CARMIL1: variants seen among roughly 807,000 people sequenced by gnomAD.
CARMIL1 encodes F-actin-uncapping protein LRRC16A.
Under a neutral mutation model 177.1 loss-of-function variants are expected in CARMIL1, and 90 were observed. That is an observed-to-expected ratio of 0.51 (90% CI 0.43 to 0.61). CARMIL1 has a LOEUF of 0.61. Ranked by LOEUF, CARMIL1 falls within the 20% of genes least tolerant of loss-of-function variation. The pLI, the probability that CARMIL1 is intolerant of heterozygous loss-of-function variation, is 0.00. For synonymous variants in CARMIL1, 577 were observed against 606.2 expected (o/e 0.95, Z 0.71); for missense variants, 1,380 against 1,667.0 (o/e 0.83, Z 3.00).
chr6:25,546,687 A>C (rs1373238220), intron 26 of CARMIL1, among the ~76,000 whole-genome samples: 1 of 150,800 alleles, frequency 6.6e-6, no homozygotes, highest in Non-Finnish European at 1.5e-5. Flanking sequence ...AAAAAAAAAA[A>C]AAAATTGTGT....
At chr6:25,372,196 A>C (rs1310540176) in intron 2 of CARMIL1, among the ~76,000 whole-genome samples, 1 of 152,040 alleles carries the variant, frequency 6.6e-6, no homozygotes, top group Non-Finnish European at 1.5e-5. Context: ...TGATGCCTTC[A>C]TGTTTGTTCT....
At chr6:25,383,325 A>G (rs1791786481) in intron 2 of CARMIL1, among the ~76,000 whole-genome samples, 1 of 152,222 alleles carries the variant, frequency 6.6e-6, no homozygotes. Context: ...GAATGGTGCC[A>G]TTCTAAAGTT....
intron 2 of CARMIL1, among the ~76,000 whole-genome samples, chr6:25,323,091 G>A (rs919584490): frequency 1.3e-5 from 2 of 152,092 alleles, no homozygotes; most frequent in African/African-American, 2.4e-5. Context: ...GATTCATTTG[G>A]AAGGTTTCTC....
intron 9 of CARMIL1, among the ~76,000 whole-genome samples, chr6:25,468,412 T>C (rs937372718): frequency 6.6e-6 from 1 of 152,246 alleles, no homozygotes; most frequent in Non-Finnish European, 1.5e-5. Context: ...AAAGTTCCAT[T>C]TTTTAAAAAT....
intron 16 of CARMIL1, among the ~76,000 whole-genome samples, chr6:25,497,868 A>G (rs2151014076): frequency 6.6e-6 from 1 of 152,262 alleles, no homozygotes; most frequent in Admixed American, 6.5e-5. Flanking sequence ...CAAGACAGAG[A>G]ATATGACCGC....
At chr6:25,296,706 C>A (rs1404455572) in intron 2 of CARMIL1, among the ~76,000 whole-genome samples, 1 of 152,138 alleles carries the variant, frequency 6.6e-6, no homozygotes, top group African/African-American at 2.4e-5. Flanking sequence ...TATCAGTGGT[C>A]ATTTCTTGGT....
chr6:25,319,855 C>T (rs934718364), intron 2 of CARMIL1, among the ~76,000 whole-genome samples: 4 of 151,258 alleles, frequency 2.6e-5, no homozygotes, highest in African/African-American at 9.7e-5. Flanking sequence ...TGAACCTCCA[C>T]CTCCGGGGTT....
Position 25,448,346 on chromosome 6 carries a change from CCTTT to C in CARMIL1, c.372-1547_372-1544del, listed in dbSNP as rs540951756. Among the ~76,000 whole-genome samples the C allele has an allele frequency of 4.3e-4, 66 of 152,206 alleles. 2 individuals are homozygous for C. The East Asian group carries it at 8.9e-3, about 20-fold the overall frequency. On this transcript the variant is annotated intron_variant, in intron 5 of 36. Transcript: ENST00000329474. Reference sequence around the variant, plus strand: ...TTGCTCCCCAGATTCTTCTGTTACTCCTTTCTTTATCACACATCATTTGCCAACT... The same window carrying C: ...TTGCTCCCCAGATTCTTCTGTTACTCCTTTATCACACATCATTTGCCAACT...
chr6:25,491,882 C>T (rs1353512148), intron 14 of CARMIL1, 66 bp from the exon 15 acceptor site: 1 of 1,542,998 alleles, frequency 6.5e-7, no homozygotes, highest in African/African-American at 1.4e-5. Context: ...TGTAGGGGAC[C>T]TCTAATAAAA....
At chr6:25,582,079 A>T (rs1486631766) in intron 31 of CARMIL1, among the ~76,000 whole-genome samples, 1 of 152,058 alleles carries the variant, frequency 6.6e-6, no homozygotes, top group Non-Finnish European at 1.5e-5. Flanking sequence ...TCCTGTGCCA[A>T]TTGTCTCTAC....
intron 2 of CARMIL1, among the ~76,000 whole-genome samples, chr6:25,374,205 A>G (rs899390733): frequency 6.6e-6 from 1 of 152,234 alleles, no homozygotes; most frequent in Non-Finnish European, 1.5e-5. Flanking sequence ...CTCTTGCTGT[A>G]TCCCAGAGGT....
At chr6:25,438,156 T>C (rs1459067310) in intron 5 of CARMIL1, among the ~76,000 whole-genome samples, 1 of 152,250 alleles carries the variant, frequency 6.6e-6, no homozygotes, top group African/African-American at 2.4e-5. Flanking sequence ...AACTCAGGTA[T>C]CTTCTCATCT....
chr6:25,523,246 T>A (rs1806749644), intron 23 of CARMIL1, among the ~76,000 whole-genome samples: 1 of 152,236 alleles, frequency 6.6e-6, no homozygotes, highest in African/African-American at 2.4e-5. Flanking sequence ...CTTCAATAAG[T>A]TACTCAATTT....
intron 2 of CARMIL1, among the ~76,000 whole-genome samples, chr6:25,347,968 A>G (rs1194922993): frequency 1.3e-5 from 2 of 152,204 alleles, no homozygotes; most frequent in Non-Finnish European, 2.9e-5. Context: ...AGTGTACAGT[A>G]AGTCCTCACT....
intron 27 of CARMIL1, 135 bp downstream of exon 27, chr6:25,551,220 TAAATATA>T (rs1810072701): frequency 1.5e-6 from 1 of 649,676 alleles, no homozygotes. Flanking sequence ...AAACTGTATA[TAAATATA>T]ACTGTGCATA....
chr6:25,348,195 C>T (rs1267847315), intron 2 of CARMIL1, among the ~76,000 whole-genome samples: 20 of 151,950 alleles, frequency 1.3e-4, no homozygotes, highest in Admixed American at 1.2e-3. Context: ...TGCAATGGTG[C>T]GATCTTGGCC....
At chr6:25,610,757 T>C (rs2080535699) in intron 36 of CARMIL1, among the ~76,000 whole-genome samples, 1 of 152,208 alleles carries the variant, frequency 6.6e-6, no homozygotes, top group African/African-American at 2.4e-5. Context: ...AGCAAGCTAA[T>C]CCTGTGACGA....
Position 25,520,508 on chromosome 6 carries a change from G to T in CARMIL1, c.1968+171G>T, listed in dbSNP as rs72839062. ...CACAACTGGGGTAATGCATGACTGG[G>T]GGAGGAGTAAACTAAGGAACACTAA... On this transcript the variant is annotated intron_variant, in intron 23 of 36. Coordinates refer to ENST00000329474, the MANE Select transcript of CARMIL1 (RefSeq NM_017640.6). Among the ~76,000 whole-genome samples, 5,828 of 152,110 alleles carry T rather than the reference G, an allele frequency of 0.038. 164 individuals are homozygous for T. Among genetic ancestry groups the T allele is most frequent in the African/African-American group, 0.071 (2,935 of 41,452 alleles).
intron 2 of CARMIL1, among the ~76,000 whole-genome samples, chr6:25,372,614 G>A (rs1197941266): frequency 6.6e-6 from 1 of 152,126 alleles, no homozygotes; most frequent in African/African-American, 2.4e-5. Context: ...ACTTCACTGA[G>A]TTCATTTATC....
Sources: allele counts gnomAD v4.1 joint callset (sites outside exome capture counted in the v4.1 genomes callset), GRCh38; gene constraint gnomAD v4.1.1; transcripts MANE v1.5; gene names NCBI Gene and HGNC (gene_info 2026-07-23, HGNC 2026-07-21).